PHKB: variants seen among roughly 807,000 people sequenced by gnomAD.
PHKB encodes phosphorylase kinase regulatory subunit beta.
In PHKB, 122 loss-of-function variants were observed where a neutral mutation model predicts 152.1. The observed-to-expected ratio is 0.80, with a 90% CI of 0.69 to 0.93. The LOEUF is 0.93. PHKB is among the 40% of genes least tolerant of loss of function. The pLI, the probability that PHKB is intolerant of heterozygous loss-of-function variation, is 0.00. For synonymous variants in PHKB, 436 were observed against 464.9 expected (o/e 0.94, Z 0.80); for missense variants, 1,304 against 1,328.4 (o/e 0.98, Z 0.29).
intron 6 of PHKB, among the ~76,000 whole-genome samples, chr16:47,536,170 G>C (rs1178969598): frequency 6.6e-6 from 1 of 152,162 alleles, no homozygotes; most frequent in East Asian, 1.9e-4. Context: ...TCCTGTCTCA[G>C]CCTCCCAAGT....
rs765838793 is a variant in PHKB, at chr16:47,502,981, T to G, written c.306-10T>G. On this transcript the variant is annotated splice_polypyrimidine_tract_variant and intron_variant, in intron 3 of 30. Transcript: ENST00000323584. ...TCCAATTAGTTTCATGAGTTATCTC[T>G]CTCACCCAGGCGAATTGATGATGAC... 37 of 1,588,496 alleles carry G rather than the reference T, an allele frequency of 2.3e-5. No individual in the cohort carries two copies. The highest frequency in any genetic ancestry group is 3.1e-5 in the Non-Finnish European group (36 of 1,156,738).
At chr16:47,582,922 G>A (rs959957996) in intron 8 of PHKB, among the ~76,000 whole-genome samples, 2 of 152,044 alleles carry the variant, frequency 1.3e-5, no homozygotes, top group Admixed American at 6.5e-5. Flanking sequence ...TCAGCCTCCC[G>A]AGTAGCTGGG....
chr16:47,647,533 T>C (rs1973153872), intron 16 of PHKB, among the ~76,000 whole-genome samples: 1 of 151,970 alleles, frequency 6.6e-6, no homozygotes, highest in Non-Finnish European at 1.5e-5. Flanking sequence ...AGTCTCGCTC[T>C]GTTGCCCAGG....
intron 26 of PHKB, among the ~76,000 whole-genome samples, chr16:47,684,743 C>T (rs1210430040): frequency 7.2e-5 from 11 of 151,914 alleles, no homozygotes. Flanking sequence ...CTCCAGCGCT[C>T]CAGCCTGGGC....
chr16:47,583,024 T>G (rs910999155), intron 8 of PHKB, among the ~76,000 whole-genome samples: 7 of 152,200 alleles, frequency 4.6e-5, no homozygotes, highest in Admixed American at 2.6e-4. Flanking sequence ...CTTGAACTCC[T>G]TACCTCAGGT....
intron 6 of PHKB, among the ~76,000 whole-genome samples, chr16:47,537,135 T>C (rs1032312397): frequency 1.3e-5 from 2 of 152,192 alleles, no homozygotes; most frequent in Non-Finnish European, 2.9e-5. Context: ...AGAAGCAATG[T>C]GAAAAATAGC....
At chr16:47,589,197 C>G in intron 10 of PHKB, 95 bp downstream of exon 10, 6 of 876,888 alleles carry the variant, frequency 6.8e-6, no homozygotes, top group Non-Finnish European at 1.1e-5. Flanking sequence ...GGCTCTGCTA[C>G]TTACTAGCTA....
intron 2 of PHKB, among the ~76,000 whole-genome samples, chr16:47,498,452 T>C (rs1015661269): frequency 6.6e-6 from 1 of 151,570 alleles, no homozygotes; most frequent in African/African-American, 2.4e-5. Flanking sequence ...CTGAGGCGGG[T>C]GGATCACAAG....
rs553602291 is a variant in PHKB, at chr16:47,541,483, A to G, written c.595-5950A>G. ...TATCTGCATGTGTCTTTATAGTAGC[A>G]TGATTTATAATCCTTTGGGAATATA... On this transcript the variant is annotated intron_variant, in intron 6 of 30. Transcript: ENST00000323584. Among the ~76,000 whole-genome samples the G allele has an allele frequency of 3.9e-4, 59 of 152,352 alleles. 1 individual carries two copies. The highest frequency in any genetic ancestry group is 1.2e-3 in the African/African-American group (49 of 41,594).
chr16:47,591,195 C>G (rs188678098), intron 10 of PHKB, among the ~76,000 whole-genome samples: 1 of 152,264 alleles, frequency 6.6e-6, no homozygotes, highest in African/African-American at 2.4e-5. Flanking sequence ...TCATTAAGCA[C>G]ATTGATGTTT....
intron 6 of PHKB, among the ~76,000 whole-genome samples, chr16:47,516,716 TAG>T (rs1452936814): frequency 1.3e-5 from 2 of 152,190 alleles, no homozygotes; most frequent in African/African-American, 4.8e-5. Flanking sequence ...TACACACTTA[TAG>T]TGTATGAGTT....
intron 1 of PHKB, among the ~76,000 whole-genome samples, chr16:47,466,460 G>A (rs1205710901): frequency 1.3e-5 from 2 of 152,196 alleles, no homozygotes; most frequent in Non-Finnish European, 2.9e-5. Context: ...ATATTGTGAT[G>A]AGGTAGGAAA....
chr16:47,645,416 T>C (rs1973098306), intron 16 of PHKB, among the ~76,000 whole-genome samples: 1 of 110,374 alleles, frequency 9.1e-6, no homozygotes, highest in African/African-American at 3.5e-5. Flanking sequence ...GGATCCAGTT[T>C]CAGCTTTCTA....
chr16:47,649,873 T>C lies in PHKB; in HGVS notation c.1797+669T>C, dbSNP rs1230464084. Among the ~76,000 whole-genome samples, 4 of 152,218 alleles carry C rather than the reference T, an allele frequency of 2.6e-5. No homozygotes were observed. The East Asian group carries it at 7.7e-4, about 29-fold the overall frequency. ...GGTGAAGTATTATGTAAGTTTTTGATGTGATGATGATGATTTTATGTAAGT... is the reference window on the plus strand; with the variant it reads ...GGTGAAGTATTATGTAAGTTTTTGACGTGATGATGATGATTTTATGTAAGT... On this transcript the variant is annotated intron_variant, in intron 18 of 30. Transcript: ENST00000323584.
At chr16:47,514,182 C>A (rs982486776) in intron 5 of PHKB, among the ~76,000 whole-genome samples, 1 of 143,094 alleles carries the variant, frequency 7.0e-6, no homozygotes, top group Non-Finnish European at 1.5e-5. Flanking sequence ...TCCAAAGGGA[C>A]AGAACTAATA....
rs1974221010 is a variant in PHKB at position 47,700,061 on chromosome 16, A to T, written c.*695A>T. 6.5e-6 allele frequency: 1 copy of T among 153,036 alleles called. No homozygotes were observed. The allele number at this position is 153,036 out of a possible 1,614,324, so 9.5% of individuals were successfully genotyped here. ...TCTATGATTGTTCAAAAATATGTTA[A>T]ATTTAGGCTCAGCACAGTAGCTCAC... On this transcript the variant is annotated 3_prime_UTR_variant, in exon 31 of 31. Coordinates refer to ENST00000323584, the MANE Select transcript of PHKB (RefSeq NM_000293.3).
chr16:47,671,899 T>A (rs891060969), intron 26 of PHKB, among the ~76,000 whole-genome samples: 1 of 152,154 alleles, frequency 6.6e-6, no homozygotes, highest in African/African-American at 2.4e-5. Context: ...CATTTATGAA[T>A]GTCCTAGATA....
At chr16:47,530,437 C>T (rs1970842935) in intron 6 of PHKB, among the ~76,000 whole-genome samples, 1 of 152,150 alleles carries the variant, frequency 6.6e-6, no homozygotes, top group Admixed American at 6.5e-5. Flanking sequence ...CAGGGGAAAG[C>T]CACTGCGCCT....
At chr16:47,607,957 G>A (rs1442642313) in intron 13 of PHKB, among the ~76,000 whole-genome samples, 1 of 151,526 alleles carries the variant, frequency 6.6e-6, no homozygotes, top group Non-Finnish European at 1.5e-5. Flanking sequence ...TTTTTCATGT[G>A]CTTATTGGTA....
Sources: gnomAD v4.1 joint callset for allele counts (sites outside exome capture counted in the v4.1 genomes callset) on GRCh38, gnomAD v4.1.1 for gene constraint, MANE v1.5 for transcripts, NCBI Gene and HGNC (gene_info 2026-07-23, HGNC 2026-07-21) for gene names.